TMLHE: variants seen among roughly 807,000 people sequenced by gnomAD.
TMLHE encodes trimethyllysine hydroxylase, epsilon.
A neutral mutation model predicts 25.7 loss-of-function variants in TMLHE; 18 were observed. The ratio of observed to expected loss-of-function variants is 0.70; its 90% CI spans 0.48 to 1.04. TMLHE has a LOEUF of 1.04. Ranked by LOEUF, TMLHE falls within the 50% of genes least tolerant of loss-of-function variation. TMLHE has a pLI of 0.00. For missense variants in TMLHE, 236 were observed against 259.0 expected (o/e 0.91, Z 0.61); for synonymous variants, 105 against 97.0 (o/e 1.08, Z -0.49).
chrX:155,552,770 T>C (rs782754968), intron 1 of TMLHE, among the ~76,000 whole-genome samples: 5 of 110,339 alleles, frequency 4.5e-5, no homozygotes, highest in Admixed American at 3.8e-4. Context: ...TAATTTTCTA[T>C]TGTTTTTCCA....
chrX:155,600,645 C>T (rs974863273), intron 1 of TMLHE, among the ~76,000 whole-genome samples: 3 of 111,806 alleles, frequency 2.7e-5, no homozygotes, highest in African/African-American at 6.5e-5. Flanking sequence ...ATCTACTGCA[C>T]GAGACAGCTA....
chrX:155,577,917 C>T (rs1557344019), intron 1 of TMLHE, among the ~76,000 whole-genome samples: 1 of 111,481 alleles, frequency 9.0e-6, no homozygotes, highest in African/African-American at 3.3e-5. Flanking sequence ...CCATGTAACA[C>T]ACAGGTGCCT....
chrX:155,529,828 G>A (rs782494669), intron 2 of TMLHE, among the ~76,000 whole-genome samples: 53 of 111,595 alleles, frequency 4.7e-4, no homozygotes, highest in African/African-American at 1.7e-3. Flanking sequence ...TGTTTCCTTT[G>A]CTGTGCATAA....
Position 155,514,064 on chromosome X carries a change from T to C in TMLHE, c.560A>G (p.Tyr187Cys), listed in dbSNP as rs782339871. The C allele has an allele frequency of 1.2e-5, 14 of 1,209,526 alleles. No homozygotes were observed. The Admixed American group carries it at 1.3e-4, about 11-fold the overall frequency. ...GACATTTTCTACGAATGCAATTCCA[T>C]AGAGCAGAAAGTTTTGCAGAAACTT... The part of the protein sequence containing the change: ...LKKFLQNFLL[Y>C]GIAFVENVPP... The change falls in exon 4 of 8, where the codon TAT (tyrosine) becomes TGT (cysteine). Residue 187 changes from tyrosine (Y) to cysteine (C), a missense_variant. Physicochemically the swap from Tyr to Cys is radical, Grantham distance 194 (BLOSUM62 -2). Around this residue, in one of 2 missense-constraint regions of TMLHE, gnomAD observed 217 missense variants for 214.6 expected, o/e 1.01. Transcript: ENST00000334398.
At chrX:155,611,969 G>A (rs1226421636) in intron 1 of TMLHE, among the ~76,000 whole-genome samples, 3 of 111,853 alleles carry the variant, frequency 2.7e-5, no homozygotes, top group Non-Finnish European at 5.6e-5. Context: ...TTAAATATGA[G>A]AGCTCAAGTT....
At chrX:155,569,860 G>A (rs1557342824) in intron 1 of TMLHE, among the ~76,000 whole-genome samples, 1 of 56,699 alleles carries the variant, frequency 1.8e-5, no homozygotes, top group African/African-American at 4.2e-5. Flanking sequence ...AGGAACAACT[G>A]ATACCAGCCA....
intron 5 of TMLHE, among the ~76,000 whole-genome samples, chrX:155,509,324 A>G (rs2067093438): frequency 9.0e-6 from 1 of 111,685 alleles, no homozygotes; most frequent in African/African-American, 3.3e-5. Flanking sequence ...AAACTGAAGT[A>G]CAGAGAAATT....
chrX:155,601,859 G>A (rs2124497684), intron 1 of TMLHE, among the ~76,000 whole-genome samples: 1 of 109,276 alleles, frequency 9.2e-6, no homozygotes, highest in African/African-American at 3.3e-5. Flanking sequence ...TTAAAAAAAA[G>A]AGCAACCATA....
At chrX:155,547,230 C>T (rs1401854082) in intron 1 of TMLHE, among the ~76,000 whole-genome samples, 4 of 92,542 alleles carry the variant, frequency 4.3e-5, no homozygotes, top group East Asian at 3.5e-4. Flanking sequence ...CTGCAAGCTC[C>T]GCCTCCCGGG....
chrX:155,529,996 T>G (rs1166844400), intron 2 of TMLHE, among the ~76,000 whole-genome samples: 1 of 112,099 alleles, frequency 8.9e-6, no homozygotes, highest in Non-Finnish European at 1.9e-5. Context: ...TATTCTTGTT[T>G]AAGTCTTTTA....
At chrX:155,541,692 T>G (rs2067313468) in intron 2 of TMLHE, among the ~76,000 whole-genome samples, 2 of 111,764 alleles carry the variant, frequency 1.8e-5, no homozygotes, top group South Asian at 7.5e-4. Flanking sequence ...TTTCTCCACA[T>G]CCTCTCCAGC....
At chrX:155,535,856 G>A (rs1557337566) in intron 2 of TMLHE, among the ~76,000 whole-genome samples, 1 of 111,890 alleles carries the variant, frequency 8.9e-6, no homozygotes, top group Non-Finnish European at 1.9e-5. Flanking sequence ...GCCTACAAGG[G>A]TCTGCACAAT....
rs782280638 is a variant in TMLHE, at chrX:155,593,924, G to A, written c.-2+18868C>T. Among the ~76,000 whole-genome samples the A allele has an allele frequency of 3.6e-5, 4 of 110,119 alleles. No individual in the cohort carries two copies. In the East Asian group the frequency reaches 1.1e-3, roughly 31 times the overall value. ...GCAAAAAGAAAAAAGAATGCAGAAA[G>A]CCTATGAGAATTATGGAACACCATC... On this transcript the variant is annotated intron_variant, in intron 1 of 7. Transcript: ENST00000334398.
chrX:155,581,216 C>A (rs1557344497), intron 1 of TMLHE, among the ~76,000 whole-genome samples: 1 of 111,443 alleles, frequency 9.0e-6, no homozygotes, highest in East Asian at 2.8e-4. Context: ...CAGCCAATAT[C>A]ATACTGAATG....
intron 1 of TMLHE, chrX:155,612,317 G>GA (rs1178301480): frequency 2.7e-5 from 3 of 111,823 alleles, no homozygotes; most frequent in Non-Finnish European, 5.6e-5. Context: ...GAGAACGAAA[G>GA]AAAGTGCTGC....
At chrX:155,537,484 C>T (rs1557337736) in intron 2 of TMLHE, among the ~76,000 whole-genome samples, 1 of 110,909 alleles carries the variant, frequency 9.0e-6, no homozygotes, top group Non-Finnish European at 1.9e-5. Context: ...TAAAACATTC[C>T]ATACTCTAGC....
At chrX:155,575,854 G>C (rs1216915666) in intron 1 of TMLHE, among the ~76,000 whole-genome samples, 3 of 111,860 alleles carry the variant, frequency 2.7e-5, no homozygotes, top group Non-Finnish European at 5.6e-5. Context: ...CCTCAAAATA[G>C]TTAACAGCCA....
intron 2 of TMLHE, among the ~76,000 whole-genome samples, chrX:155,541,935 T>C (rs1231956870): frequency 5.4e-5 from 6 of 110,982 alleles, no homozygotes; most frequent in African/African-American, 2.0e-4. Flanking sequence ...TTGTAGATTC[T>C]GAATATTAGC....
intron 1 of TMLHE, among the ~76,000 whole-genome samples, chrX:155,573,095 C>G (rs1434491571): frequency 3.5e-5 from 2 of 56,937 alleles, no homozygotes; most frequent in African/African-American, 8.4e-5. Context: ...TGACAAAGGG[C>G]TAATATCCAG....
Sources: gnomAD v4.1 joint callset for allele counts (sites outside exome capture counted in the v4.1 genomes callset) on GRCh38, gnomAD v4.1.1 for gene constraint, gnomAD v4.1.1 regional missense constraint, MANE v1.5 for transcripts, NCBI Gene and HGNC (gene_info 2026-07-23, HGNC 2026-07-21) for gene names.